The following ROBO2 variants were observed in gnomAD, a reference collection of about 807,000 sequenced individuals.
ROBO2 encodes the protein roundabout guidance receptor 2, also known as roundabout homolog 2.
Under a neutral mutation model 160.8 loss-of-function variants are expected in ROBO2, and 53 were observed. The ratio of observed to expected loss-of-function variants is 0.33; its 90% CI spans 0.26 to 0.41. ROBO2 has a LOEUF of 0.41. Among genes scored for constraint, ROBO2 ranks in the 10% least tolerant of loss-of-function variants. ROBO2 has a pLI of 1.00. For missense variants in ROBO2, 1,577 were observed against 1,722.4 expected (o/e 0.92, Z 1.49); for synonymous variants, 664 against 611.7 (o/e 1.09, Z -1.26).
intron 2 of ROBO2, among the ~76,000 whole-genome samples, chr3:77,298,059 G>GCC (rs1191542656): frequency 6.6e-6 from 1 of 152,214 alleles, no homozygotes. Context: ...ATCCTCCTCA[G>GCC]CCAACAATGA....
chr3:75,971,734 C>T (rs2065000746), intron 2 of ROBO2, among the ~76,000 whole-genome samples: 1 of 151,378 alleles, frequency 6.6e-6, no homozygotes, highest in African/African-American at 2.4e-5. Context: ...GAGGGCAATA[C>T]AGCATGTATA....
chr3:76,796,511 A>AGAAGGAAGGAAGGAAGGAAGGAAGGAAG (rs144512442), intron 2 of ROBO2, among the ~76,000 whole-genome samples: 32 of 144,594 alleles, frequency 2.2e-4, no homozygotes, highest in African/African-American at 7.6e-4. Context: ...AAAGAAGGAA[A>AGAAGGAAGGAAGGAAGGAAGGAAGGAAG]GAAGGAAGGA....
At chr3:76,451,224 G>T (rs550708564) in intron 2 of ROBO2, among the ~76,000 whole-genome samples, 96 of 152,246 alleles carry the variant, frequency 6.3e-4, no homozygotes, top group African/African-American at 2.2e-3. Context: ...TGAGAATGAG[G>T]TCTCCTTGTC....
At chr3:76,505,713 AT>A (rs1317447414) in intron 2 of ROBO2, among the ~76,000 whole-genome samples, 1 of 151,878 alleles carries the variant, frequency 6.6e-6, no homozygotes, top group Admixed American at 6.6e-5. Context: ...GCCAAGAAAC[AT>A]TTTTTCCCCT....
chr3:77,391,103 A>G (rs1040357100), intron 2 of ROBO2, among the ~76,000 whole-genome samples: 2 of 152,018 alleles, frequency 1.3e-5, no homozygotes, highest in Non-Finnish European at 2.9e-5. Context: ...TTGGACACCA[A>G]GGGTCTATGA....
At chr3:76,034,011 C>G (rs924436523) in intron 2 of ROBO2, among the ~76,000 whole-genome samples, 1 of 152,216 alleles carries the variant, frequency 6.6e-6, no homozygotes, top group Non-Finnish European at 1.5e-5. Flanking sequence ...AAGCAAGCCA[C>G]ATGGGCAACC....
chr3:77,035,780 G>A (rs1344360124), upstream of ROBO2, among the ~76,000 whole-genome samples: 1 of 151,780 alleles, frequency 6.6e-6, no homozygotes, highest in Non-Finnish European at 1.5e-5. Flanking sequence ...TCATGTAGGG[G>A]CAAATGAGCC....
At chr3:76,705,974 A>AT (rs889534747) in intron 2 of ROBO2, among the ~76,000 whole-genome samples, 13 of 152,082 alleles carry the variant, frequency 8.5e-5, no homozygotes, top group African/African-American at 2.7e-4. Context: ...CCAGTTATAC[A>AT]TTTTTTTAAA....
At chr3:77,015,560 G>C (rs774881236) in intron 2 of ROBO2, among the ~76,000 whole-genome samples, 1 of 152,294 alleles carries the variant, frequency 6.6e-6, no homozygotes, top group East Asian at 1.9e-4. Flanking sequence ...TGTTGGCGTT[G>C]GGTAGCATCA....
At chr3:76,712,989 A>G (rs1332177355) in intron 2 of ROBO2, among the ~76,000 whole-genome samples, 1 of 152,204 alleles carries the variant, frequency 6.6e-6, no homozygotes, top group African/African-American at 2.4e-5. Context: ...GACATATCCA[A>G]GGCTCTGATA....
At chr3:77,554,256 CT>C (rs1159815686) in intron 8 of ROBO2, among the ~76,000 whole-genome samples, 2 of 151,832 alleles carry the variant, frequency 1.3e-5, no homozygotes, top group Admixed American at 6.6e-5. Flanking sequence ...GAGATCTACT[CT>C]GCAGAAAAAA....
chr3:77,596,456 T>C (rs1388038767), intron 18 of ROBO2, among the ~76,000 whole-genome samples, 167 bp from the exon 20 acceptor site: 1 of 152,228 alleles, frequency 6.6e-6, no homozygotes, highest in Non-Finnish European at 1.5e-5. Flanking sequence ...TTAATGTATG[T>C]ATAGCCTTAA....
At chr3:76,429,404 TA>T (rs2076349124) in intron 2 of ROBO2, among the ~76,000 whole-genome samples, 1 of 152,166 alleles carries the variant, frequency 6.6e-6, no homozygotes, top group South Asian at 2.1e-4. Flanking sequence ...TTAAAGCACT[TA>T]GAACAATTCC....
rs77109557 is a variant in ROBO2, at chr3:76,374,941, C to CT, written c.109+437353dup. ...TGTGACTATCGTACGCTTTCTTCTT[C>CT]TTTTTTTTTTTTTTCAGATGGTCTA... On this transcript the variant is annotated intron_variant, in intron 2 of 26. Coordinates refer to the ROBO2 transcript ENST00000487694. Among the ~76,000 whole-genome samples, 721 of 138,248 alleles carry CT rather than the reference C, an allele frequency of 5.2e-3. 4 individuals carry two copies. Among genetic ancestry groups the CT allele is most frequent in the South Asian group, 0.014 (58 of 4,286 alleles). 90.7% of individuals were successfully genotyped at this position (138,248 alleles called of 152,430 possible). A position where few individuals can be genotyped will look rare whatever the true frequency, so the allele number is the denominator to read the frequency against.
chr3:76,978,693 C>T (rs542691353), intron 2 of ROBO2, among the ~76,000 whole-genome samples: 3 of 152,096 alleles, frequency 2.0e-5, no homozygotes, highest in South Asian at 4.2e-4. Context: ...ATACTTAACT[C>T]AGTTTCGAGA....
At chr3:77,218,558 G>A (rs2085293993) in intron 2 of ROBO2, among the ~76,000 whole-genome samples, 2 of 151,952 alleles carry the variant, frequency 1.3e-5, no homozygotes, top group Non-Finnish European at 1.5e-5. Context: ...TTTTTTAGTA[G>A]AGATGGGGTT....
intron 2 of ROBO2, among the ~76,000 whole-genome samples, chr3:77,345,238 C>T (rs1293530926): frequency 6.6e-6 from 1 of 152,118 alleles, no homozygotes; most frequent in East Asian, 1.9e-4. Context: ...CTTAGCTCCT[C>T]CCTGCTGGGT....
At chr3:77,294,797 G>A (rs1237838825) in intron 2 of ROBO2, among the ~76,000 whole-genome samples, 3 of 150,584 alleles carry the variant, frequency 2.0e-5, no homozygotes. Flanking sequence ...AAACGGGTAA[G>A]CTGAGGCTAG....
intron 2 of ROBO2, among the ~76,000 whole-genome samples, chr3:76,025,937 A>G (rs1034045136): frequency 6.6e-6 from 1 of 151,822 alleles, no homozygotes; most frequent in African/African-American, 2.4e-5. Context: ...CTACCATCCT[A>G]TTAGACATTT....
Sources: gnomAD v4.1 joint callset for allele counts (sites outside exome capture counted in the v4.1 genomes callset) on GRCh38, gnomAD v4.1.1 for gene constraint, MANE v1.5 for transcripts, NCBI Gene and HGNC (gene_info 2026-07-23, HGNC 2026-07-21) for gene names.